Variants in MAPK14 observed in about 807,000 individuals in gnomAD.
The protein encoded by MAPK14 is CSAID-binding protein.
A neutral mutation model predicts 49.6 loss-of-function variants in MAPK14; 16 were observed. That is an observed-to-expected ratio of 0.32 (90% confidence interval 0.22 to 0.49). MAPK14 has a LOEUF of 0.49. MAPK14 is among the 20% of genes least tolerant of loss of function. The pLI is 0.99. For synonymous variants in MAPK14, 142 were observed against 158.0 expected (o/e 0.90, Z 0.76); for missense variants, 200 against 441.2 (o/e 0.45, Z 4.90).
intron 1 of MAPK14, among the ~76,000 whole-genome samples, chr6:36,037,247 G>T (rs958726957): frequency 6.6e-6 from 1 of 152,156 alleles, no homozygotes; most frequent in Non-Finnish European, 1.5e-5. Context: ...AGGTACACCT[G>T]TATGTATGTG....
intron 8 of MAPK14, 52 bp from the exon 9 acceptor site, chr6:36,095,935 T>G (rs1765427809): frequency 1.8e-6 from 2 of 1,135,052 alleles, no homozygotes; most frequent in Non-Finnish European, 2.6e-6. Context: ...TGTCATTGTT[T>G]GTTTTTCATT....
Position 36,102,775 on chromosome 6 carries a change from A to C in MAPK14, c.841+126A>C, listed in dbSNP as rs2127473400. 3 of 1,524,242 alleles carry C rather than the reference A, an allele frequency of 2.0e-6. No homozygotes were observed. The Admixed American group carries it at 6.8e-5, about 35-fold the overall frequency. The allele number at this position is 1,524,242 out of a possible 1,614,324, so 94.4% of individuals were successfully genotyped here. A position where few individuals can be genotyped will look rare whatever the true frequency, so the allele number is the denominator to read the frequency against. ...ATTAGTTGAATCTTGGAAGGTGATAAATACGGCTTTTATTATCTATTTGTG... is the reference window on the plus strand; with the variant it reads ...ATTAGTTGAATCTTGGAAGGTGATACATACGGCTTTTATTATCTATTTGTG... On this transcript the variant is annotated intron_variant, in intron 10 of 11. Coordinates refer to ENST00000229794, the MANE Select transcript of MAPK14 (RefSeq NM_139012.3).
chr6:36,041,810 G>C (rs9348986), intron 1 of MAPK14, among the ~76,000 whole-genome samples: 16,487 of 152,214 alleles, frequency 0.11, 1,687 homozygotes, highest in East Asian at 0.51. Context: ...CTGTAGTGAA[G>C]GAAATTTGCC....
chr6:36,098,130 G>A (rs1765509653), intron 9 of MAPK14: 1 of 152,146 alleles, frequency 6.6e-6, no homozygotes, highest in African/African-American at 2.4e-5. Flanking sequence ...AAAGACATTA[G>A]TGAAGGAGTG....
intron 1 of MAPK14, among the ~76,000 whole-genome samples, chr6:36,041,075 T>C (rs1762942189): frequency 6.6e-6 from 1 of 152,208 alleles, no homozygotes; most frequent in African/African-American, 2.4e-5. Flanking sequence ...TAGAATGTCA[T>C]TTAGGCACAT....
intron 1 of MAPK14, among the ~76,000 whole-genome samples, chr6:36,043,856 G>T (rs1284115063): frequency 7.2e-6 from 1 of 138,556 alleles, no homozygotes; most frequent in Non-Finnish European, 1.5e-5. Context: ...TGTTGCCCAG[G>T]CTGGAGTGCA....
intron 9 of MAPK14, among the ~76,000 whole-genome samples, chr6:36,098,769 C>T (rs945486363): frequency 1.3e-5 from 2 of 152,150 alleles, no homozygotes; most frequent in Non-Finnish European, 2.9e-5. Flanking sequence ...TCTGCTATTG[C>T]TGGTTTACTT....
downstream of MAPK14, among the ~76,000 whole-genome samples, chr6:36,115,275 AAAAGAAG>A: frequency 6.6e-6 from 1 of 152,374 alleles, no homozygotes; most frequent in African/African-American, 2.4e-5. Flanking sequence ...GTTGCAGCAG[AAAAGAAG>A]AAGGTGTAAA....
At chr6:36,075,691 A>G in intron 6 of MAPK14, 157 bp from the exon 7 acceptor site, 1 of 946,218 alleles carries the variant, frequency 1.1e-6, no homozygotes, top group Non-Finnish European at 1.6e-6. Context: ...TTTACCATAC[A>G]TTCTAAGTAT....
chr6:36,050,221 A>G lies in MAPK14; in HGVS notation c.117-2478A>G, dbSNP rs1026773560. 4.6e-5 allele frequency among the ~76,000 whole-genome samples: 7 copies of G among 152,304 alleles called. No individual in the cohort carries two copies. In the East Asian group the frequency reaches 1.2e-3, roughly 25 times the overall value. On this transcript the variant is annotated intron_variant, in intron 1 of 11. Coordinates refer to ENST00000229794, the MANE Select transcript of MAPK14 (RefSeq NM_139012.3). ...CTTTATCCAGGTGAGTACATCAGAGAGACAGACAGACAGAGAGAGAGAAGT... is the reference window on the plus strand; with the variant it reads ...CTTTATCCAGGTGAGTACATCAGAGGGACAGACAGACAGAGAGAGAGAAGT...
rs1302062220 is a variant in MAPK14 at position 36,039,920 on chromosome 6, C to T, written c.116+11647C>T. Among the ~76,000 whole-genome samples, 5 of 150,144 alleles carry T rather than the reference C, an allele frequency of 3.3e-5. No individual in the cohort carries two copies. In the East Asian group the frequency reaches 9.9e-4, roughly 30 times the overall value. The stretch of plus-strand genomic sequence containing the variant: ...CTGAGGCACAAGAATCACTTGAACC[C>T]GGGAGGCGGAGGTTGCAGTGAGCCG... On this transcript the variant is annotated intron_variant, in intron 1 of 11. Coordinates refer to ENST00000229794, the MANE Select transcript of MAPK14 (RefSeq NM_139012.3).
chr6:36,091,460 G>A (rs1276488966), intron 8 of MAPK14, among the ~76,000 whole-genome samples: 30 of 152,220 alleles, frequency 2.0e-4, no homozygotes, highest in Non-Finnish European at 4.4e-5. Flanking sequence ...AAGAGAAACA[G>A]GGCTAAACCT....
At chr6:36,068,779 A>T (rs1288359363) in intron 3 of MAPK14, among the ~76,000 whole-genome samples, 2 of 152,174 alleles carry the variant, frequency 1.3e-5, no homozygotes, top group African/African-American at 4.8e-5. Context: ...TTATCCAAGA[A>T]GTATAAATGA....
At chr6:36,067,696 C>T (rs1764115615) in intron 3 of MAPK14, among the ~76,000 whole-genome samples, 1 of 152,168 alleles carries the variant, frequency 6.6e-6, no homozygotes, top group South Asian at 2.1e-4. Flanking sequence ...AAGCTGCCTA[C>T]TTGGCTGCTG....
chr6:36,117,431 G>A, the MAPK14 span, among the ~76,000 whole-genome samples: 2 of 152,102 alleles, frequency 1.3e-5, no homozygotes, highest in African/African-American at 4.8e-5. Context: ...CTGAGCTAAT[G>A]TATTCGTTCT....
chr6:36,097,185 C>T (rs1406405726), intron 9 of MAPK14: 2 of 152,230 alleles, frequency 1.3e-5, no homozygotes, highest in Non-Finnish European at 2.9e-5. Flanking sequence ...ATTTCTGAAC[C>T]TCCACTCTGA....
downstream of MAPK14, among the ~76,000 whole-genome samples, chr6:36,113,748 CTTTGT>C (rs1369294449): frequency 2.0e-5 from 3 of 152,078 alleles, no homozygotes; most frequent in African/African-American, 7.2e-5. Context: ...CCTTTTCTTT[CTTTGT>C]TTTGTTTTTT....
At chr6:36,117,390 C>T in the MAPK14 span, among the ~76,000 whole-genome samples, 1 of 152,212 alleles carries the variant, frequency 6.6e-6, no homozygotes. Flanking sequence ...TAGTCCCTCT[C>T]TCTAGAACCC....
chr6:36,089,013 A>G (rs1032043124), intron 8 of MAPK14, among the ~76,000 whole-genome samples: 2 of 152,252 alleles, frequency 1.3e-5, no homozygotes, highest in Non-Finnish European at 1.5e-5. Flanking sequence ...TCAAAGACCT[A>G]GAACCAGAAA....
Sources: allele counts gnomAD v4.1 joint callset (sites outside exome capture counted in the v4.1 genomes callset), GRCh38; gene constraint gnomAD v4.1.1; transcripts MANE v1.5; gene names NCBI Gene and HGNC (gene_info 2026-07-23, HGNC 2026-07-21).